The following KCNIP1 variants were observed in gnomAD, a reference collection of about 807,000 sequenced individuals.
KCNIP1 encodes the protein potassium voltage-gated channel interacting protein 1.
In KCNIP1, 18 loss-of-function variants were observed where a neutral mutation model predicts 33.0. The observed-to-expected ratio is 0.55, with a 90% CI of 0.38 to 0.81. The LOEUF (loss-of-function observed/expected upper bound fraction) is 0.81. KCNIP1 is among the 30% of genes least tolerant of loss of function. The pLI is 0.00. For missense variants in KCNIP1, 238 were observed against 271.6 expected (o/e 0.88, Z 0.87); for synonymous variants, 93 against 98.3 (o/e 0.95, Z 0.32).
intron 1 of KCNIP1, among the ~76,000 whole-genome samples, chr5:170,387,426 C>G (rs1216217745): frequency 4.5e-4 from 69 of 152,254 alleles, no homozygotes; most frequent in African/African-American, 1.6e-3. Context: ...GCCAGGCTGC[C>G]CTCATACCCG....
intron 1 of KCNIP1, among the ~76,000 whole-genome samples, chr5:170,461,608 G>C (rs1453337984): frequency 6.6e-6 from 1 of 152,106 alleles, no homozygotes; most frequent in Non-Finnish European, 1.5e-5. Context: ...AAATTAGCCA[G>C]GTGTGGTGGC....
At chr5:170,586,635 T>A (rs1464381530) in intron 1 of KCNIP1, among the ~76,000 whole-genome samples, 1 of 152,190 alleles carries the variant, frequency 6.6e-6, no homozygotes, top group Non-Finnish European at 1.5e-5. Flanking sequence ...CCAGGGCTGT[T>A]GTTAGGAGTG....
intron 1 of KCNIP1, among the ~76,000 whole-genome samples, chr5:170,671,539 G>C (rs1761922143): frequency 6.6e-6 from 1 of 152,142 alleles, no homozygotes; most frequent in Admixed American, 6.5e-5. Context: ...TCTTTATGCT[G>C]TCATGGCCCT....
intron 1 of KCNIP1, among the ~76,000 whole-genome samples, chr5:170,651,763 T>A (rs528226733): frequency 1.5e-4 from 23 of 152,326 alleles, no homozygotes; most frequent in South Asian, 6.2e-4. Context: ...TCTCCCTTTG[T>A]AACTATTTAT....
chr5:170,693,298 C>T lies in KCNIP1; in HGVS notation c.62-25460C>T, dbSNP rs143852611. Among the ~76,000 whole-genome samples, 193 of 152,288 alleles carry T rather than the reference C, an allele frequency of 1.3e-3. 3 individuals carry two copies. Among genetic ancestry groups the T allele is most frequent in the African/African-American group, 3.6e-3 (151 of 41,556 alleles). On this transcript the variant is annotated intron_variant, in intron 1 of 7. Coordinates refer to ENST00000328939, the MANE Select transcript of KCNIP1 (RefSeq NM_014592.4). ...TCCCTTCAAGATGGAGCCAGGCTGA[C>T]ACCACGTAGAATGACCTGGAAGCCC...
intron 1 of KCNIP1, among the ~76,000 whole-genome samples, chr5:170,684,334 A>T (rs1762468078): frequency 6.6e-6 from 1 of 152,186 alleles, no homozygotes; most frequent in Non-Finnish European, 1.5e-5. Context: ...GTTTGAAATC[A>T]AGTTCTTGAC....
intron 1 of KCNIP1, chr5:170,639,674 C>T (rs980329274): frequency 2.6e-5 from 4 of 152,408 alleles, no homozygotes; most frequent in Admixed American, 6.5e-5. Flanking sequence ...CCCACGTCCC[C>T]GTGGCCCTTG....
intron 1 of KCNIP1, among the ~76,000 whole-genome samples, chr5:170,655,789 A>C (rs565752312): frequency 6.6e-5 from 10 of 152,310 alleles, no homozygotes; most frequent in African/African-American, 2.2e-4. Flanking sequence ...AGCAAAGTTT[A>C]ATTACCATGT....
chr5:170,526,719 C>CTTTTT (rs145988547), intron 1 of KCNIP1, among the ~76,000 whole-genome samples: 4 of 122,808 alleles, frequency 3.3e-5, no homozygotes, highest in Non-Finnish European at 5.1e-5. Context: ...ATCTGATTAG[C>CTTTTT]TTTTTTTTTT....
intron 1 of KCNIP1, among the ~76,000 whole-genome samples, chr5:170,506,996 C>G (rs1157153950): frequency 6.6e-6 from 1 of 152,244 alleles, no homozygotes; most frequent in African/African-American, 2.4e-5. Flanking sequence ...GGAGCCTATC[C>G]TGGCCAGGTC....
intron 1 of KCNIP1, among the ~76,000 whole-genome samples, chr5:170,428,402 C>T (rs55971067): frequency 1.3e-5 from 2 of 149,820 alleles, no homozygotes; most frequent in Admixed American, 1.3e-4. Flanking sequence ...TGCTTTGGAG[C>T]TAGATTTGGG....
intron 5 of KCNIP1, among the ~76,000 whole-genome samples, chr5:170,724,351 C>T (rs1763936356): frequency 6.6e-6 from 1 of 152,040 alleles, no homozygotes; most frequent in African/African-American, 2.4e-5. Context: ...AAACAGTCTC[C>T]CTCGTGAGCA....
intron 1 of KCNIP1, among the ~76,000 whole-genome samples, chr5:170,417,931 C>T (rs1308442141): frequency 6.6e-6 from 1 of 152,208 alleles, no homozygotes; most frequent in Non-Finnish European, 1.5e-5. Context: ...GTTTGGGCAA[C>T]CACACAGCTT....
chr5:170,530,075 G>C (rs900739991), intron 1 of KCNIP1, among the ~76,000 whole-genome samples: 20 of 152,166 alleles, frequency 1.3e-4, no homozygotes. Flanking sequence ...ACTACAGCTG[G>C]TGTATTTGTT....
chr5:170,712,186 G>A (rs1763471676), intron 1 of KCNIP1, among the ~76,000 whole-genome samples: 1 of 152,156 alleles, frequency 6.6e-6, no homozygotes, highest in Non-Finnish European at 1.5e-5. Flanking sequence ...TCTGCATAAT[G>A]GGGGACTTGG....
intron 1 of KCNIP1, among the ~76,000 whole-genome samples, chr5:170,481,046 A>G (rs1756967125): frequency 1.3e-5 from 2 of 152,196 alleles, no homozygotes; most frequent in Non-Finnish European, 2.9e-5. Context: ...ATTTACATCA[A>G]CTTTTCTCTT....
chr5:170,385,454 T>C, intron 1 of KCNIP1: 6 of 1,614,052 alleles, frequency 3.7e-6, no homozygotes, highest in Non-Finnish European at 5.1e-6. Flanking sequence ...CCATATTCAC[T>C]GGGGGCAGTG....
At chr5:170,410,255 C>A (rs1249966676) in intron 1 of KCNIP1, among the ~76,000 whole-genome samples, 1 of 151,792 alleles carries the variant, frequency 6.6e-6, no homozygotes, top group South Asian at 2.1e-4. Context: ...GGGTCCCCCA[C>A]ACAGGGGATC....
intron 1 of KCNIP1, among the ~76,000 whole-genome samples, chr5:170,415,832 T>TG (rs1486986224): frequency 6.6e-6 from 1 of 152,126 alleles, no homozygotes; most frequent in Admixed American, 6.5e-5. Flanking sequence ...ACGAGGTGAC[T>TG]GGGGGAGCCT....
Sources: gnomAD v4.1 joint callset for allele counts (sites outside exome capture counted in the v4.1 genomes callset) on GRCh38, gnomAD v4.1.1 for gene constraint, MANE v1.5 for transcripts, NCBI Gene and HGNC (gene_info 2026-07-23, HGNC 2026-07-21) for gene names.